Variants in DHX32 observed in about 807,000 individuals in gnomAD.
DHX32 encodes the protein DEAH-box helicase 32 (putative), also known as putative pre-mRNA-splicing factor ATP-dependent RNA helicase DHX32.
DHX32 carries 51 observed loss-of-function variants against 70.0 expected under a neutral mutation model. The observed-to-expected ratio is 0.73, with a 90% CI of 0.58 to 0.92. The LOEUF (loss-of-function observed/expected upper bound fraction) is 0.92, where lower values mean the gene tolerates loss of function less well. DHX32 is among the 40% of genes least tolerant of loss of function. The pLI is 0.00. For synonymous variants in DHX32, 310 were observed against 315.3 expected, an observed-to-expected ratio of 0.98 and a Z score of 0.18; for missense variants, 762 against 891.8, an observed-to-expected ratio of 0.85 and a Z score of 1.85.
chr10:125,867,139 C>A lies in DHX32; in HGVS notation c.327G>T (p.Gln109His). 6.2e-7 allele frequency: 1 copy of A among 1,614,116 alleles called. No individual in the cohort carries two copies. Among genetic ancestry groups the A allele is most frequent in the South Asian group, 1.1e-5 (1 of 91,064 alleles). ...CCTGTGTGCATATCACGCCCCCGTGCTGGTAGTGGATGGAAAGACAATATT... is the reference window on the plus strand; with the variant it reads ...CCTGTGTGCATATCACGCCCCCGTGATGGTAGTGGATGGAAAGACAATATT... ...CAEYCLSIHYQHGGVICTQVH... is the reference protein window; with the variant it reads ...CAEYCLSIHYHHGGVICTQVH... Residue 109 changes from glutamine (Q) to histidine (H), a missense_variant, in exon 2 of 11, where the codon CAG becomes CAT. Physicochemically the swap from Gln to His is conservative, Grantham distance 24 (BLOSUM62 0). Coordinates refer to ENST00000284690, the MANE Select transcript of DHX32 (RefSeq NM_018180.3).
At chr10:125,853,863 G>T in intron 4 of DHX32, 98 bp downstream of exon 4, 2 of 1,447,662 alleles carry the variant, frequency 1.4e-6, no homozygotes, top group Non-Finnish European at 1.9e-6. Flanking sequence ...AGGTCACATA[G>T]TTCATCCTCA....
intron 8 of DHX32, among the ~76,000 whole-genome samples, chr10:125,839,903 A>T (rs1459433048): frequency 2.0e-5 from 3 of 152,172 alleles, no homozygotes; most frequent in African/African-American, 7.2e-5. Context: ...GCATGTACTT[A>T]GTGTCACCCA....
At chr10:125,845,654 A>G (rs1405379311) in intron 6 of DHX32, among the ~76,000 whole-genome samples, 2 of 152,214 alleles carry the variant, frequency 1.3e-5, no homozygotes, top group Admixed American at 6.5e-5. Flanking sequence ...TTGAGTCATT[A>G]GAGTTGGAAA....
At chr10:125,853,120 T>C (rs777561009) in intron 4 of DHX32, 10 of 1,595,334 alleles carry the variant, frequency 6.3e-6, no homozygotes, top group Non-Finnish European at 8.6e-6. Flanking sequence ...TGATTTTCCT[T>C]ACAGGTGGTT....
At chr10:125,890,845 A>G (rs941585093) in intron 1 of DHX32, among the ~76,000 whole-genome samples, 2 of 152,166 alleles carry the variant, frequency 1.3e-5, no homozygotes, top group African/African-American at 4.8e-5. Context: ...CCAAGTGGGG[A>G]GGATAATTTG....
chr10:125,840,159 C>G (rs1589702378), intron 8 of DHX32, among the ~76,000 whole-genome samples: 2 of 152,342 alleles, frequency 1.3e-5, no homozygotes, highest in South Asian at 2.1e-4. Flanking sequence ...ATGGGTGGCT[C>G]TAGCCTCTGC....
At chr10:125,851,109 C>T (rs560665501) in intron 6 of DHX32, among the ~76,000 whole-genome samples, 45 of 152,338 alleles carry the variant, frequency 3.0e-4, no homozygotes, top group Admixed American at 8.5e-4. Context: ...ATGCCAAATT[C>T]ATTTTCACAT....
intron 1 of DHX32, among the ~76,000 whole-genome samples, chr10:125,867,496 G>A (rs947475769): frequency 1.3e-5 from 2 of 152,152 alleles, no homozygotes; most frequent in African/African-American, 4.8e-5. Context: ...CAGCACTTTG[G>A]GAGGCCGAGG....
intron 4 of DHX32, chr10:125,853,066 C>A: frequency 8.0e-7 from 1 of 1,246,244 alleles, no homozygotes; most frequent in South Asian, 1.4e-5. Context: ...ACTGAGAGTT[C>A]CAATCATAAC....
In DHX32 at chr10:125,841,798, C is replaced by T. The variant is rs574953919; in HGVS notation, c.1488G>A (p.Ala496=). The part of the protein sequence containing the change: ...LDPQLSKSIL[A]SCEFDCVDEV... ...CATCTACACAGTCAAATTCACAGGA[C>T]GCTAAGATAGACTTCGAGAGTTGTG... Residue 496 remains alanine (A), a synonymous_variant, in exon 7 of 11, where the codon GCG becomes GCA. Coordinates refer to ENST00000284690, the MANE Select transcript of DHX32 (RefSeq NM_018180.3). The T allele has an allele frequency of 2.2e-5, 36 of 1,613,380 alleles. No individual in the cohort carries two copies. Among genetic ancestry groups the T allele is most frequent in the Admixed American group, 3.3e-5 (2 of 59,848 alleles).
chr10:125,858,745 T>C (rs139867242), intron 3 of DHX32, among the ~76,000 whole-genome samples: 91 of 152,282 alleles, frequency 6.0e-4, no homozygotes, highest in African/African-American at 2.0e-3. Context: ...TAAAAACTCA[T>C]GCTTCTCCTC....
intron 10 of DHX32, among the ~76,000 whole-genome samples, chr10:125,837,710 G>C (rs1435756155): frequency 6.6e-6 from 1 of 152,192 alleles, no homozygotes; most frequent in African/African-American, 2.4e-5. Flanking sequence ...CAGCTACAGT[G>C]ATCCTTAAAA....
At chr10:125,882,050 T>C (rs748421975), upstream of DHX32, among the ~76,000 whole-genome samples, 46 of 152,272 alleles carry the variant, frequency 3.0e-4, no homozygotes, top group Non-Finnish European at 4.6e-4. Flanking sequence ...CAAGAGGCCA[T>C]TAAGGACAAC....
Position 125,836,640 on chromosome 10 carries a change from A to C in DHX32, c.*47T>G, listed in dbSNP as rs1437440402. On this transcript the variant is annotated 3_prime_UTR_variant, in exon 11 of 11. Coordinates refer to ENST00000284690, the MANE Select transcript of DHX32 (RefSeq NM_018180.3). Reference sequence around the variant, plus strand: ...ATCTCCCATATCCAGCAGTTCAGCCATCCAGCTACCTTTGGGACCCTGCTG... The same window carrying C: ...ATCTCCCATATCCAGCAGTTCAGCCCTCCAGCTACCTTTGGGACCCTGCTG... The C allele has an allele frequency of 6.3e-7, 1 of 1,593,390 alleles. No homozygotes were observed. Among genetic ancestry groups the C allele is most frequent in the Non-Finnish European group, 8.6e-7 (1 of 1,167,960 alleles).
At chr10:125,848,304 C>G (rs937721715) in intron 6 of DHX32, among the ~76,000 whole-genome samples, 3 of 152,086 alleles carry the variant, frequency 2.0e-5, no homozygotes, top group Non-Finnish European at 4.4e-5. Flanking sequence ...GGACATGTTC[C>G]CAAAACCTGG....
chr10:125,886,668 G>A (rs1411419117), intron 1 of DHX32, among the ~76,000 whole-genome samples: 1 of 152,312 alleles, frequency 6.6e-6, no homozygotes, highest in African/African-American at 2.4e-5. Flanking sequence ...AATATTTGTA[G>A]AGGCTCCTGG....
In DHX32 at chr10:125,854,026, C is replaced by T. The variant is rs1944124476; in HGVS notation, c.1027G>A (p.Gly343Arg). 1 of 1,613,922 alleles carries T rather than the reference C, an allele frequency of 6.2e-7. No individual in the cohort carries two copies. Among genetic ancestry groups the T allele is most frequent in the Non-Finnish European group, 8.5e-7 (1 of 1,179,986 alleles). The change falls in exon 4 of 11, where the codon GGA becomes AGA. Residue 343 changes from glycine to arginine, a missense_variant. Around this residue, in one of 3 missense-constraint regions of DHX32, gnomAD observed 394 missense variants for 473.1 expected, o/e 0.83. Transcript: ENST00000284690. ...GAGTTGCTCCAGATCAAAAACTCTC[C>T]AGAGCTAGTAGTTAACACCACTCTT... ...QRRVVLTTSS[G>R]EFLIWSNSVR...
chr10:125,843,448 A>G (rs1854935379), intron 6 of DHX32, among the ~76,000 whole-genome samples: 1 of 151,886 alleles, frequency 6.6e-6, no homozygotes, highest in Non-Finnish European at 1.5e-5. Context: ...GTCTCAACTA[A>G]AAAAATACAA....
At chr10:125,840,315 C>T (rs1280671903) in intron 8 of DHX32, among the ~76,000 whole-genome samples, 1 of 152,190 alleles carries the variant, frequency 6.6e-6, no homozygotes, top group African/African-American at 2.4e-5. Flanking sequence ...CTTTGACATG[C>T]GCCATTCTCT....
Sources: gnomAD v4.1 joint callset for allele counts (sites outside exome capture counted in the v4.1 genomes callset) on GRCh38, gnomAD v4.1.1 for gene constraint, gnomAD v4.1.1 regional missense constraint, MANE v1.5 for transcripts, NCBI Gene and HGNC (gene_info 2026-07-23, HGNC 2026-07-21) for gene names.